Variants in LHPP observed in about 807,000 individuals in gnomAD.
LHPP encodes hLHPP.
A neutral mutation model predicts 30.3 loss-of-function variants in LHPP; 24 were observed. That is an observed-to-expected ratio of 0.79 (90% CI 0.57 to 1.11). The LOEUF (loss-of-function observed/expected upper bound fraction) is 1.11. Among genes scored for constraint, LHPP ranks in the 50% most tolerant of loss-of-function variants. The pLI, the probability that LHPP is intolerant of heterozygous loss-of-function variation, is 0.00. For synonymous variants in LHPP, 150 were observed against 157.1 expected (o/e 0.95, Z 0.34); for missense variants, 356 against 367.2 (o/e 0.97, Z 0.25).
chr10:124,573,752 C>G (rs2133983354), intron 6 of LHPP, among the ~76,000 whole-genome samples: 1 of 152,298 alleles, frequency 6.6e-6, no homozygotes, highest in African/African-American at 2.4e-5. Context: ...CCCACTGTCC[C>G]CCATCACTGA....
chr10:124,586,630 T>C (rs1397301739), intron 6 of LHPP, among the ~76,000 whole-genome samples: 1 of 152,046 alleles, frequency 6.6e-6, no homozygotes, highest in African/African-American at 2.4e-5. Context: ...GGAAGTGAGA[T>C]TTGAGCTGAG....
rs770344453 is a variant in LHPP at position 124,596,029 on chromosome 10, G to A, written c.717-17235G>A. 6.6e-6 allele frequency among the ~76,000 whole-genome samples: 1 copy of A among 152,054 alleles called. No individual in the cohort carries two copies. The highest frequency in any genetic ancestry group is 1.5e-5 in the Non-Finnish European group (1 of 68,030). On this transcript the variant is annotated intron_variant, in intron 6 of 6. Coordinates refer to ENST00000368842, the MANE Select transcript of LHPP (RefSeq NM_022126.4). This position sits in a 1 kb window ranked among gnomAD's most constrained non-coding sequence, Gnocchi z 4.6. ...CTGACGGTAAACTTGAGGTGAATGG[G>A]CTCCTACCCATGAACACCCACCGTT...
At chr10:124,498,786 C>G in intron 5 of LHPP, 3 of 450,962 alleles carry the variant, frequency 6.7e-6, no homozygotes, top group Non-Finnish European at 1.3e-5. Context: ...CCTGCCATCT[C>G]AGTGCCCCCT....
intron 6 of LHPP, among the ~76,000 whole-genome samples, chr10:124,578,416 C>T (rs745596764): frequency 3.3e-5 from 5 of 152,224 alleles, no homozygotes; most frequent in Admixed American, 1.3e-4. Flanking sequence ...TGTCCTTCTC[C>T]GATCTGCTCA....
Position 124,523,922 on chromosome 10 carries a change from C to T in LHPP, c.716+6651C>T, listed in dbSNP as rs548014342. On this transcript the variant is annotated intron_variant, in intron 6 of 6. Transcript: ENST00000368842. The surrounding 1 kb of genome is among the most constrained non-coding windows in gnomAD (Gnocchi z 4.2). The stretch of plus-strand genomic sequence containing the variant: ...CTCTCAGCAGCCCTCTGGTCCTGCC[C>T]GGGATAGAGGCTGTGGCTTCTGGTG... Among the ~76,000 whole-genome samples, 25 of 152,146 alleles carry T rather than the reference C, an allele frequency of 1.6e-4. No homozygotes were observed. The highest frequency in any genetic ancestry group is 3.2e-4 in the Non-Finnish European group (22 of 68,040).
intron 6 of LHPP, among the ~76,000 whole-genome samples, chr10:124,534,515 G>A (rs1954975579): frequency 6.6e-6 from 1 of 152,194 alleles, no homozygotes; most frequent in African/African-American, 2.4e-5. Context: ...TCAAGGGCAG[G>A]GGATGAGATC....
chr10:124,587,541 G>A (rs888182426), intron 6 of LHPP, among the ~76,000 whole-genome samples: 2 of 151,256 alleles, frequency 1.3e-5, no homozygotes, highest in African/African-American at 4.8e-5. Flanking sequence ...GAGAGTTTGA[G>A]CCAGCCTGAC....
intron 6 of LHPP, among the ~76,000 whole-genome samples, chr10:124,587,883 C>T (rs765280454): frequency 2.6e-5 from 4 of 152,106 alleles, no homozygotes; most frequent in Non-Finnish European, 4.4e-5. Context: ...AGGCCCTGGC[C>T]GAGTGCTGAA....
At chr10:124,563,534 C>T (rs1273061883) in intron 6 of LHPP, among the ~76,000 whole-genome samples, 1 of 151,976 alleles carries the variant, frequency 6.6e-6, no homozygotes, top group Non-Finnish European at 1.5e-5. Flanking sequence ...GTGGGCGTGG[C>T]TATAAAGAGC....
At chr10:124,565,456 T>C (rs1333837985) in intron 6 of LHPP, among the ~76,000 whole-genome samples, 1 of 152,024 alleles carries the variant, frequency 6.6e-6, no homozygotes, top group African/African-American at 2.4e-5. Context: ...TAGGTTTAGT[T>C]TGGGGAGAGG....
At chr10:124,472,423 C>T (rs1257432285) in intron 1 of LHPP, among the ~76,000 whole-genome samples, 1 of 152,148 alleles carries the variant, frequency 6.6e-6, no homozygotes, top group Non-Finnish European at 1.5e-5. Context: ...TGAATGTTTT[C>T]TGGTTTATCC....
chr10:124,462,306 A>G (rs1281320523), intron 1 of LHPP, among the ~76,000 whole-genome samples: 2 of 152,278 alleles, frequency 1.3e-5, no homozygotes, highest in Non-Finnish European at 2.9e-5. Context: ...CCGATTAACA[A>G]GACTTAGCCG....
intron 6 of LHPP, among the ~76,000 whole-genome samples, chr10:124,549,818 A>C (rs1228090556): frequency 6.6e-6 from 1 of 152,258 alleles, no homozygotes; most frequent in Non-Finnish European, 1.5e-5. Flanking sequence ...CTGAGTGCCT[A>C]GTGGGGCACT....
intron 6 of LHPP, among the ~76,000 whole-genome samples, chr10:124,604,782 C>T (rs532328724): frequency 6.6e-6 from 1 of 152,360 alleles, no homozygotes; most frequent in Admixed American, 6.5e-5. Context: ...GCACCTGGCT[C>T]CCAGCCACTG....
rs1322453147 is a variant in LHPP, at chr10:124,523,293, A to G, written c.716+6022A>G. On this transcript the variant is annotated intron_variant, in intron 6 of 6. Transcript: ENST00000368842. This position sits in a 1 kb window ranked among gnomAD's most constrained non-coding sequence, Gnocchi z 4.2. ...CCTTCTAGCTGTGGCCTGGGTGCTG[A>G]AGGGGTTTCCCCCCAGTGGGGTGGC... Among the ~76,000 whole-genome samples, 1 of 152,188 alleles carries G rather than the reference A, an allele frequency of 6.6e-6. No homozygotes were observed. Among genetic ancestry groups the G allele is most frequent in the Admixed American group, 6.5e-5 (1 of 15,274 alleles).
intron 6 of LHPP, among the ~76,000 whole-genome samples, chr10:124,567,573 T>A (rs1948513353): frequency 6.6e-6 from 1 of 152,186 alleles, no homozygotes; most frequent in African/African-American, 2.4e-5. Context: ...GTTCTTAATA[T>A]CCCCGAGTAA....
intron 4 of LHPP, 97 bp downstream of exon 4, chr10:124,497,121 A>G: frequency 1.4e-5 from 14 of 988,732 alleles, no homozygotes; most frequent in Non-Finnish European, 2.2e-5. Context: ...TAATTAACGT[A>G]CAAATGGCCT....
At chr10:124,599,152 C>A (rs1948990563) in intron 6 of LHPP, among the ~76,000 whole-genome samples, 1 of 151,950 alleles carries the variant, frequency 6.6e-6, no homozygotes, top group South Asian at 2.1e-4. Context: ...CATTCATTGC[C>A]CATCTGTCCA....
At chr10:124,516,985 T>A (rs1382105713) in intron 5 of LHPP, among the ~76,000 whole-genome samples, 195 bp from the exon 6 acceptor site, 1 of 152,192 alleles carries the variant, frequency 6.6e-6, no homozygotes, top group African/African-American at 2.4e-5. Context: ...AGCTGTGGCC[T>A]ACGGGGGCAG....
Sources: allele counts gnomAD v4.1 joint callset (sites outside exome capture counted in the v4.1 genomes callset), GRCh38; gene constraint gnomAD v4.1.1; non-coding constraint Gnocchi (gnomAD v3.1); transcripts MANE v1.5; gene names NCBI Gene and HGNC (gene_info 2026-07-23, HGNC 2026-07-21).